The following FAM184B variants were observed in gnomAD, a reference collection of about 807,000 sequenced individuals.
The protein encoded by FAM184B is protein FAM184B.
In FAM184B, 111 loss-of-function variants were observed where a neutral mutation model predicts 135.9. The observed-to-expected ratio is 0.82, with a 90% CI of 0.70 to 0.96. The LOEUF is 0.96. Among genes scored for constraint, FAM184B ranks in the 40% least tolerant of loss-of-function variants. The pLI is 0.00. For missense variants in FAM184B, 1,375 were observed against 1,323.9 expected, an observed-to-expected ratio of 1.04 and a Z score of -0.60; for synonymous variants, 552 against 524.8, an observed-to-expected ratio of 1.05 and a Z score of -0.71.
chr4:17,652,721 G>A, intron 11 of FAM184B, 109 bp downstream of exon 11: 6 of 1,293,890 alleles, frequency 4.6e-6, no homozygotes, highest in Non-Finnish European at 5.2e-6. Flanking sequence ...CGGAGCCGTG[G>A]CCTGTGAGCC....
chr4:17,656,983 A>C (rs1008707798), intron 10 of FAM184B, among the ~76,000 whole-genome samples: 3 of 151,686 alleles, frequency 2.0e-5, no homozygotes, highest in Non-Finnish European at 4.4e-5. Context: ...GGTCTCACTC[A>C]CTCTCTTCCA....
intron 12 of FAM184B, among the ~76,000 whole-genome samples, chr4:17,645,792 C>T (rs1715451022): frequency 6.6e-6 from 1 of 151,892 alleles, no homozygotes; most frequent in Admixed American, 6.6e-5. Context: ...GAACAGGCAA[C>T]CTACAGAATG....
At position 17,708,986 on chromosome 4, in the gene FAM184B, G is replaced by T; in HGVS notation, c.800C>A (p.Ala267Asp). Reference sequence around the variant, plus strand: ...GTCTCCTTCCAGCTTCCGGACCTGAGCCTGCAGGGCTGACTCCTGGACCTG... The same window carrying T: ...GTCTCCTTCCAGCTTCCGGACCTGATCCTGCAGGGCTGACTCCTGGACCTG... Reference protein sequence around the residue: ...NFQVQESALQAQVRKLEGDLE... With the variant: ...NFQVQESALQDQVRKLEGDLE... The change falls in exon 2 of 18, where the codon GCT (alanine) becomes GAT (aspartate). Residue 267 changes from alanine (A) to aspartate (D), a missense_variant. Coordinates refer to ENST00000265018, the MANE Select transcript of FAM184B (RefSeq NM_015688.2). 1.9e-6 allele frequency: 3 copies of T among 1,550,798 alleles called. No individual in the cohort carries two copies. The highest frequency in any genetic ancestry group is 2.6e-6 in the Non-Finnish European group (3 of 1,146,916).
intron 1 of FAM184B, among the ~76,000 whole-genome samples, chr4:17,767,261 A>C (rs1718720963): frequency 1.3e-5 from 2 of 152,204 alleles, no homozygotes; most frequent in Non-Finnish European, 2.9e-5. Context: ...CCTGCAGTGC[A>C]GCGGTGGGCT....
At chr4:17,653,449 G>A (rs1715685820) in intron 10 of FAM184B, among the ~76,000 whole-genome samples, 1 of 152,214 alleles carries the variant, frequency 6.6e-6, no homozygotes, top group Non-Finnish European at 1.5e-5. Flanking sequence ...GGAAGGGTGA[G>A]GGGTCCCTAC....
chr4:17,652,146 T>TTTTTTTTTTTG, intron 11 of FAM184B, among the ~76,000 whole-genome samples: 1 of 131,924 alleles, frequency 7.6e-6, no homozygotes, highest in South Asian at 2.4e-4. Context: ...TTTTTTTTTT[T>TTTTTTTTTTTG]TTGAGTCTTG....
chr4:17,666,082 A>G (rs1436967791), intron 7 of FAM184B, among the ~76,000 whole-genome samples: 1 of 151,904 alleles, frequency 6.6e-6, no homozygotes, highest in Non-Finnish European at 1.5e-5. Context: ...TTGCTCCCTC[A>G]CTTCACTCAC....
intron 10 of FAM184B, among the ~76,000 whole-genome samples, chr4:17,657,627 T>C (rs1329998887): frequency 2.7e-5 from 4 of 150,612 alleles, no homozygotes; most frequent in Non-Finnish European, 5.9e-5. Context: ...TCCCAAACCC[T>C]TGGAAAGGTC....
chr4:17,717,677 C>T (rs1054254268), intron 1 of FAM184B, among the ~76,000 whole-genome samples: 10 of 151,816 alleles, frequency 6.6e-5, no homozygotes, highest in African/African-American at 2.4e-4. Flanking sequence ...CTGTTAGGGT[C>T]GTAGAGATTG....
chr4:17,714,583 T>C (rs946848661), intron 1 of FAM184B, among the ~76,000 whole-genome samples: 2 of 152,166 alleles, frequency 1.3e-5, no homozygotes, highest in Admixed American at 6.6e-5. Context: ...TATTAGTACC[T>C]GTTTGGGGTC....
rs6833830 is a variant in FAM184B, at chr4:17,720,065, C to T, written c.142-10421G>A. ...TCCCATCCTTCACATAGGAATGCCC[C>T]AGAGTGTTAGCCTCAGTCTGTTTCT... On this transcript the variant is annotated intron_variant, in intron 1 of 17. Coordinates refer to ENST00000265018, the MANE Select transcript of FAM184B (RefSeq NM_015688.2). 7.0e-3 allele frequency among the ~76,000 whole-genome samples: 1,068 copies of T among 152,346 alleles called. 14 individuals are homozygous for T. Among genetic ancestry groups the T allele is most frequent in the African/African-American group, 0.023 (969 of 41,572 alleles).
chr4:17,668,469 C>T (rs974915489), intron 7 of FAM184B, among the ~76,000 whole-genome samples: 2 of 152,146 alleles, frequency 1.3e-5, no homozygotes, highest in African/African-American at 2.4e-5. Context: ...TGCAATTATA[C>T]CTTCTCCTCT....
intron 9 of FAM184B, 52 bp from the exon 10 acceptor site, chr4:17,658,614 T>G (rs2302391): frequency 1.8e-5 from 27 of 1,507,230 alleles, no homozygotes; most frequent in Non-Finnish European, 2.4e-5. Flanking sequence ...TTTCCTGGGA[T>G]GTTTTCTTCA....
chr4:17,689,055 GT>G (rs1388045021), intron 6 of FAM184B, among the ~76,000 whole-genome samples: 1 of 151,974 alleles, frequency 6.6e-6, no homozygotes, highest in African/African-American at 2.4e-5. Flanking sequence ...TGCCCAGTAG[GT>G]TTATAGTATT....
At chr4:17,777,272 A>G (rs1324653224) in intron 1 of FAM184B, among the ~76,000 whole-genome samples, 1 of 152,228 alleles carries the variant, frequency 6.6e-6, no homozygotes, top group African/African-American at 2.4e-5. Flanking sequence ...TTTAGAGATA[A>G]TTTAAAGAGA....
chr4:17,707,141 T>C (rs932745423), intron 3 of FAM184B, among the ~76,000 whole-genome samples: 2 of 152,174 alleles, frequency 1.3e-5, no homozygotes, highest in African/African-American at 4.8e-5. Context: ...CTCACTATGT[T>C]GCCCAGGCTG....
chr4:17,771,944 A>T (rs1718827456), intron 1 of FAM184B, among the ~76,000 whole-genome samples: 1 of 152,192 alleles, frequency 6.6e-6, no homozygotes, highest in Non-Finnish European at 1.5e-5. Context: ...CAAGGTGGAA[A>T]ATTTTCCCCC....
rs574660110 is a variant in FAM184B, at chr4:17,684,940, G to A, written c.1596+3484C>T. Among the ~76,000 whole-genome samples the A allele has an allele frequency of 5.9e-5, 9 of 152,050 alleles. No homozygotes were observed. In the South Asian group the frequency reaches 1.0e-3, roughly 18 times the overall value. On this transcript the variant is annotated intron_variant, in intron 7 of 17. Coordinates refer to ENST00000265018, the MANE Select transcript of FAM184B (RefSeq NM_015688.2). Reference sequence around the variant, plus strand: ...CATTATCCTCAGCAAACTAACACACGAACAGAAAACCAAACACCATATGTT... The same window carrying A: ...CATTATCCTCAGCAAACTAACACACAAACAGAAAACCAAACACCATATGTT...
rs1560182249 is a variant in FAM184B at position 17,709,077 on chromosome 4, G to C, written c.709C>G (p.Gln237Glu). Residue 237 changes from glutamine to glutamate, a missense_variant, in exon 2 of 18, where the codon CAG becomes GAG. Physicochemically the swap from Gln to Glu is conservative, Grantham distance 29 (BLOSUM62 2). Coordinates refer to ENST00000265018, the MANE Select transcript of FAM184B (RefSeq NM_015688.2). ...RENEAIRQAM[Q>E]QSVSQALWQW... ...CACAGGGCCTGGCTCACCGACTGCT[G>C]CATGGCCTGCCGGATGGCCTCGTTT... The C allele has an allele frequency of 6.5e-7, 1 of 1,549,998 alleles. No individual in the cohort carries two copies. Among genetic ancestry groups the C allele is most frequent in the South Asian group, 1.2e-5 (1 of 84,054 alleles).
Sources: gnomAD v4.1 joint callset for allele counts (sites outside exome capture counted in the v4.1 genomes callset) on GRCh38, gnomAD v4.1.1 for gene constraint, MANE v1.5 for transcripts, NCBI Gene and HGNC (gene_info 2026-07-23, HGNC 2026-07-21) for gene names.